CNBD1: variants seen among roughly 807,000 people sequenced by gnomAD.
CNBD1 encodes the protein cyclic nucleotide-binding domain-containing protein 1.
Under a neutral mutation model 54.4 loss-of-function variants are expected in CNBD1, and 71 were observed. The ratio of observed to expected loss-of-function variants is 1.30; its 90% CI spans 1.08 to 1.59. The LOEUF is 1.59. Among genes scored for constraint, CNBD1 ranks in the 40% most tolerant of loss-of-function variants. CNBD1 has a pLI of 0.00. For synonymous variants in CNBD1, 182 were observed against 170.7 expected, an observed-to-expected ratio of 1.07 and a Z score of -0.51; for missense variants, 659 against 518.0, an observed-to-expected ratio of 1.27 and a Z score of -2.64.
chr8:87,022,847 A>T (rs889759514), intron 4 of CNBD1, among the ~76,000 whole-genome samples: 1 of 152,230 alleles, frequency 6.6e-6, no homozygotes. Flanking sequence ...TTTGAAATTT[A>T]AAGACAACTT....
chr8:86,991,162 C>T (rs868720758), intron 4 of CNBD1, among the ~76,000 whole-genome samples: 1 of 151,962 alleles, frequency 6.6e-6, no homozygotes, highest in Admixed American at 6.6e-5. Flanking sequence ...AAATTGGATG[C>T]CCTTTATTTC....
At chr8:86,969,789 T>TACACAC (rs777810367) in intron 4 of CNBD1, among the ~76,000 whole-genome samples, 483 of 36,904 alleles carry the variant, frequency 0.013, no homozygotes, top group East Asian at 0.083. Flanking sequence ...TTTATATATA[T>TACACAC]ATATACACAC....
chr8:87,347,753 T>A (rs190394372), intron 8 of CNBD1, among the ~76,000 whole-genome samples: 4 of 152,212 alleles, frequency 2.6e-5, no homozygotes, highest in African/African-American at 9.6e-5. Flanking sequence ...TCCATAGACA[T>A]AGCATTTGTC....
chr8:87,419,430 C>T (rs10098754), intron 2 of CNBD1, among the ~76,000 whole-genome samples: 22 of 151,690 alleles, frequency 1.5e-4, no homozygotes, highest in South Asian at 1.0e-3. Flanking sequence ...TGTTTAAAGG[C>T]GTGAATTTTA....
At chr8:87,207,619 A>G (rs1295686856) in intron 5 of CNBD1, among the ~76,000 whole-genome samples, 1 of 152,098 alleles carries the variant, frequency 6.6e-6, no homozygotes, top group Non-Finnish European at 1.5e-5. Context: ...TTCTACATAT[A>G]TTTGAGTTGG....
chr8:87,168,892 G>A (rs115405552), intron 4 of CNBD1, among the ~76,000 whole-genome samples: 1,871 of 151,940 alleles, frequency 0.012, 36 homozygotes, highest in African/African-American at 0.042. Flanking sequence ...AATAAACATG[G>A]GCATACAGAT....
chr8:87,395,308 TG>T (rs1488837097), intron 2 of CNBD1, among the ~76,000 whole-genome samples: 2 of 151,912 alleles, frequency 1.3e-5, no homozygotes, highest in East Asian at 3.9e-4. Context: ...ATATATTTTT[TG>T]CCAGTAGTGA....
intron 2 of CNBD1, among the ~76,000 whole-genome samples, chr8:86,904,798 TAATC>T (rs1808991143): frequency 6.6e-6 from 1 of 152,148 alleles, no homozygotes; most frequent in Non-Finnish European, 1.5e-5. Flanking sequence ...TATAAAACTT[TAATC>T]AATTATAGAA....
In CNBD1 at chr8:87,260,903, A is replaced by T. The variant is rs181091629; in HGVS notation, c.772-23775A>T. Among the ~76,000 whole-genome samples the T allele has an allele frequency of 5.6e-4, 85 of 152,208 alleles. 1 individual carries two copies. Among genetic ancestry groups the T allele is most frequent in the African/African-American group, 1.7e-3 (72 of 41,552 alleles). ...TTGAGGATCCCATTTTTTATCTAAA[A>T]TATTGGCTTTACTCTCAGGTTCTCT... On this transcript the variant is annotated intron_variant, in intron 6 of 10. Coordinates refer to ENST00000518476, the MANE Select transcript of CNBD1 (RefSeq NM_173538.3).
intron 4 of CNBD1, among the ~76,000 whole-genome samples, chr8:87,012,775 T>C (rs537242692): frequency 6.6e-6 from 1 of 152,242 alleles, no homozygotes; most frequent in African/African-American, 2.4e-5. Flanking sequence ...AACCAGAAAA[T>C]GTTCAAATTT....
At chr8:86,997,654 T>C (rs756068840) in intron 4 of CNBD1, among the ~76,000 whole-genome samples, 1 of 152,158 alleles carries the variant, frequency 6.6e-6, no homozygotes, top group African/African-American at 2.4e-5. Flanking sequence ...TAGCAGGGCT[T>C]GTAAAAACCA....
intron 8 of CNBD1, among the ~76,000 whole-genome samples, chr8:87,303,681 CCATCAG>C (rs1406862173): frequency 6.6e-6 from 1 of 150,476 alleles, no homozygotes; most frequent in Admixed American, 6.6e-5. Context: ...AAAGAAACTA[CCATCAG>C]AGTGAACAGG....
intron 4 of CNBD1, among the ~76,000 whole-genome samples, chr8:86,989,862 T>C (rs1050411433): frequency 4.6e-5 from 7 of 152,198 alleles, no homozygotes; most frequent in Admixed American, 2.0e-4. Flanking sequence ...CAGCATTTAT[T>C]ATTGCCTCTC....
At chr8:87,265,032 T>G (rs1242135552) in intron 6 of CNBD1, among the ~76,000 whole-genome samples, 1 of 152,172 alleles carries the variant, frequency 6.6e-6, no homozygotes, top group East Asian at 1.9e-4. Context: ...ATTTTGGCTT[T>G]TGTTGCCATT....
At chr8:87,227,259 A>T (rs1814522781) in intron 5 of CNBD1, among the ~76,000 whole-genome samples, 1 of 148,470 alleles carries the variant, frequency 6.7e-6, no homozygotes, top group African/African-American at 2.5e-5. Flanking sequence ...TAATAGTGTT[A>T]TGTGTGAATT....
At chr8:87,157,785 A>AT (rs1052242788) in intron 4 of CNBD1, among the ~76,000 whole-genome samples, 9 of 152,004 alleles carry the variant, frequency 5.9e-5, no homozygotes, top group Admixed American at 5.2e-4. Context: ...ACATTTGCCT[A>AT]TTTTTTTCTT....
At chr8:87,387,268 A>G (rs1811208533), downstream of CNBD1, among the ~76,000 whole-genome samples, 1 of 152,146 alleles carries the variant, frequency 6.6e-6, no homozygotes, top group Non-Finnish European at 1.5e-5. Context: ...TTAACCTTAC[A>G]TGTAAATGGG....
At chr8:87,391,719 G>A (rs980115194) in intron 2 of CNBD1, among the ~76,000 whole-genome samples, 5 of 151,992 alleles carry the variant, frequency 3.3e-5, no homozygotes, top group Non-Finnish European at 5.9e-5. Flanking sequence ...TTAATTGTAA[G>A]AACTAAAACT....
intron 4 of CNBD1, among the ~76,000 whole-genome samples, chr8:86,954,735 A>C (rs75225048): frequency 0.012 from 1,816 of 152,326 alleles, 30 homozygotes; most frequent in African/African-American, 0.042. Flanking sequence ...TTACATACTT[A>C]GATGCAGATA....
Sources: gnomAD v4.1 joint callset for allele counts (sites outside exome capture counted in the v4.1 genomes callset) on GRCh38, gnomAD v4.1.1 for gene constraint, MANE v1.5 for transcripts, NCBI Gene and HGNC (gene_info 2026-07-23, HGNC 2026-07-21) for gene names.